Variants in TMEM123 observed in about 807,000 individuals in gnomAD.
TMEM123 encodes porimin.
A neutral mutation model predicts 19.7 loss-of-function variants in TMEM123; 16 were observed. The observed-to-expected ratio is 0.81, with a 90% CI of 0.55 to 1.23. TMEM123 has a LOEUF of 1.23. Ranked by LOEUF, TMEM123 falls within the 50% of genes most tolerant of loss-of-function variation. The pLI, the probability that TMEM123 is intolerant of heterozygous loss-of-function variation, is 0.00. For missense variants in TMEM123, 313 were observed against 257.8 expected, an observed-to-expected ratio of 1.21 and a Z score of -1.47; for synonymous variants, 118 against 99.4, an observed-to-expected ratio of 1.19 and a Z score of -1.12.
chr11:102,409,094 T>A (rs1273362978), intron 2 of TMEM123, among the ~76,000 whole-genome samples: 1 of 152,198 alleles, frequency 6.6e-6, no homozygotes, highest in Admixed American at 6.5e-5. Flanking sequence ...TTTGTTTTCA[T>A]CAGGGCATCA....
intron 2 of TMEM123, among the ~76,000 whole-genome samples, chr11:102,404,669 G>T (rs534135212): frequency 6.6e-6 from 1 of 152,048 alleles, no homozygotes; most frequent in Non-Finnish European, 1.5e-5. Flanking sequence ...CTGCGATCTC[G>T]GCTCACTGTA....
intron 1 of TMEM123, chr11:102,449,592 G>A (rs1175882871): frequency 6.6e-6 from 1 of 152,018 alleles, no homozygotes; most frequent in Non-Finnish European, 1.5e-5. Flanking sequence ...CAGTAACTTT[G>A]AAGGATTTAT....
At chr11:102,409,156 CAGTT>C (rs1234105333) in intron 2 of TMEM123, among the ~76,000 whole-genome samples, 1 of 152,084 alleles carries the variant, frequency 6.6e-6, no homozygotes, top group Admixed American at 6.5e-5. Context: ...TTAAAAATCT[CAGTT>C]ATTTTTAAAT....
At chr11:102,426,989 T>G (rs2135855396) in intron 2 of TMEM123, among the ~76,000 whole-genome samples, 1 of 150,964 alleles carries the variant, frequency 6.6e-6, no homozygotes, top group African/African-American at 2.4e-5. Context: ...CAAATTGAAG[T>G]TTTCTAACTA....
Position 102,401,586 on chromosome 11 carries a change from A to C in TMEM123, c.555T>G (p.Ile185Met). ...TTCTTGAGTAATACATTTTGCATCC[A>C]ATGTAAAGAATAGATAAAACTCCCA... ...LTLGVLSILY[I>M]GCKMYYSRRG... The change falls in exon 4 of 5, where the codon ATT becomes ATG. Residue 185 changes from isoleucine to methionine, a missense_variant. Ile to Met is a conservative substitution (Grantham distance 10). Transcript: ENST00000398136. 1 of 1,600,478 alleles carries C rather than the reference A, an allele frequency of 6.2e-7. No individual in the cohort carries two copies. Among genetic ancestry groups the C allele is most frequent in the Non-Finnish European group, 8.5e-7 (1 of 1,176,756 alleles).
At chr11:102,420,375 G>A (rs1189607518) in intron 2 of TMEM123, among the ~76,000 whole-genome samples, 1 of 152,198 alleles carries the variant, frequency 6.6e-6, no homozygotes, top group Non-Finnish European at 1.5e-5. Flanking sequence ...CACAAAAGCT[G>A]AGCCCTGTGT....
At chr11:102,408,282 G>A (rs142361913) in intron 2 of TMEM123, among the ~76,000 whole-genome samples, 25 of 152,286 alleles carry the variant, frequency 1.6e-4, no homozygotes, top group African/African-American at 5.3e-4. Context: ...GTGATGTCTG[G>A]CACTGCTGTA....
intron 2 of TMEM123, among the ~76,000 whole-genome samples, chr11:102,408,038 C>A (rs575200040): frequency 1.3e-5 from 2 of 152,110 alleles, no homozygotes; most frequent in Non-Finnish European, 2.9e-5. Context: ...GAAGTAAGTC[C>A]ATAAATACTT....
At chr11:102,434,440 ATTAT>A (rs914473801) in intron 2 of TMEM123, among the ~76,000 whole-genome samples, 1 of 151,882 alleles carries the variant, frequency 6.6e-6, no homozygotes, top group Non-Finnish European at 1.5e-5. Flanking sequence ...TTTAAATTGG[ATTAT>A]TTATTTTCTT....
intron 2 of TMEM123, among the ~76,000 whole-genome samples, chr11:102,442,655 T>C (rs1344218305): frequency 6.6e-6 from 1 of 152,196 alleles, no homozygotes; most frequent in African/African-American, 2.4e-5. Context: ...ATGCCCTCTC[T>C]CACTACTCCC....
chr11:102,402,172 A>G lies in TMEM123; in HGVS notation c.192T>C (p.Asn64=), dbSNP rs750985088. Residue 64 remains asparagine (N), a synonymous_variant, in exon 3 of 5, where the codon AAT becomes AAC. Coordinates refer to ENST00000398136, the MANE Select transcript of TMEM123 (RefSeq NM_052932.3). ...TLQHVPSDHT[N]ETSNSTVKPP... ...GTTTCACAGTACTGTTGGAAGTTTC[A>G]TTTGTATGGTCAGAAGGCACATGTT... The G allele has an allele frequency of 3.1e-6, 5 of 1,613,990 alleles. No homozygotes were observed. Among genetic ancestry groups the G allele is most frequent in the Non-Finnish European group, 3.4e-6 (4 of 1,180,016 alleles).
chr11:102,427,763 G>A (rs904080747), intron 2 of TMEM123, among the ~76,000 whole-genome samples: 3 of 151,152 alleles, frequency 2.0e-5, no homozygotes, highest in East Asian at 3.9e-4. Context: ...ACTGGAACCC[G>A]GGAGGCAGAG....
At chr11:102,421,116 G>C (rs1591558960) in intron 2 of TMEM123, among the ~76,000 whole-genome samples, 1 of 152,052 alleles carries the variant, frequency 6.6e-6, no homozygotes, top group Non-Finnish European at 1.5e-5. Flanking sequence ...ACATAAACAA[G>C]CTCAGAATTA....
rs550277884 is a variant in TMEM123 at position 102,426,983 on chromosome 11, T to C, written c.157+21829A>G. Among the ~76,000 whole-genome samples, 9 of 150,218 alleles carry C rather than the reference T, an allele frequency of 6.0e-5. No homozygotes were observed. In the South Asian group the frequency reaches 8.4e-4, roughly 14 times the overall value. ...ATAGTTGGGATATTGCCAAACCAAATTGAAGTTTTCTAACTATAAATGTAT... is the reference window on the plus strand; with the variant it reads ...ATAGTTGGGATATTGCCAAACCAAACTGAAGTTTTCTAACTATAAATGTAT... On this transcript the variant is annotated intron_variant, in intron 2 of 4. Coordinates refer to ENST00000398136, the MANE Select transcript of TMEM123 (RefSeq NM_052932.3).
intron 2 of TMEM123, among the ~76,000 whole-genome samples, chr11:102,431,803 C>T (rs181587242): frequency 1.5e-4 from 23 of 152,238 alleles, no homozygotes; most frequent in Admixed American, 6.5e-4. Context: ...GGCAGTGACC[C>T]GGTGGTAGGT....
intron 2 of TMEM123, among the ~76,000 whole-genome samples, chr11:102,422,763 A>G (rs72978276): frequency 0.086 from 13,166 of 152,226 alleles, 777 homozygotes; most frequent in Non-Finnish European, 0.13. Flanking sequence ...ATGTTTATGA[A>G]TTTCACTCAT....
intron 1 of TMEM123, 75 bp from the exon 2 acceptor site, chr11:102,448,943 T>C (rs1318094463): frequency 2.8e-6 from 4 of 1,420,804 alleles, no homozygotes; most frequent in Non-Finnish European, 4.0e-6. Context: ...GTTTTCTGCC[T>C]AGCGGGAGTA....
rs551512003 is a variant in TMEM123, at chr11:102,414,207, G to A, written c.158-12001C>T. Among the ~76,000 whole-genome samples the A allele has an allele frequency of 1.4e-4, 22 of 152,234 alleles. No homozygotes were observed. The East Asian group carries it at 4.2e-3, about 29-fold the overall frequency. ...CTAGAAATATGGGATTATGTAAAGAGACAAAAACCTACAACTCACTGGCAT... is the reference window on the plus strand; with the variant it reads ...CTAGAAATATGGGATTATGTAAAGAAACAAAAACCTACAACTCACTGGCAT... On this transcript the variant is annotated intron_variant, in intron 2 of 4. Coordinates refer to ENST00000398136, the MANE Select transcript of TMEM123 (RefSeq NM_052932.3).
intron 2 of TMEM123, among the ~76,000 whole-genome samples, chr11:102,430,190 C>T (rs1209660693): frequency 1.3e-5 from 2 of 152,206 alleles, no homozygotes; most frequent in African/African-American, 2.4e-5. Context: ...GACCAGAGTG[C>T]AGGTGGTGAT....
Sources: allele counts gnomAD v4.1 joint callset (sites outside exome capture counted in the v4.1 genomes callset), GRCh38; gene constraint gnomAD v4.1.1; transcripts MANE v1.5; gene names NCBI Gene and HGNC (gene_info 2026-07-23, HGNC 2026-07-21).